The following ITGA1 variants were observed in gnomAD, a reference collection of about 807,000 sequenced individuals.
ITGA1 encodes integrin alpha-1.
Under a neutral mutation model 145.9 loss-of-function variants are expected in ITGA1, and 85 were observed. That is an observed-to-expected ratio of 0.58 (90% CI 0.49 to 0.70). The LOEUF is 0.70. Among genes scored for constraint, ITGA1 ranks in the 30% least tolerant of loss-of-function variants. The probability of loss-of-function intolerance (pLI) is 0.00; values close to 1 mark genes in which losing one functional copy is unlikely to be tolerated. For missense variants in ITGA1, 1,351 were observed against 1,418.7 expected, an observed-to-expected ratio of 0.95 and a Z score of 0.77; for synonymous variants, 520 against 495.3, an observed-to-expected ratio of 1.05 and a Z score of -0.66.
At chr5:52,917,770 G>A (rs1373481020) in intron 15 of ITGA1, among the ~76,000 whole-genome samples, 2 of 152,284 alleles carry the variant, frequency 1.3e-5, no homozygotes, top group African/African-American at 4.8e-5. Flanking sequence ...AAATGTTAAT[G>A]ATGATTATTG....
In ITGA1 at chr5:52,896,048, A is replaced by G. The variant is rs1263045777; in HGVS notation, c.1091-1407A>G. Among the ~76,000 whole-genome samples, 4 of 152,306 alleles carry G rather than the reference A, an allele frequency of 2.6e-5. No homozygotes were observed. The East Asian group carries it at 5.8e-4, about 22-fold the overall frequency. On this transcript the variant is annotated intron_variant, in intron 9 of 28. Coordinates refer to ENST00000282588, the MANE Select transcript of ITGA1 (RefSeq NM_181501.2). The stretch of plus-strand genomic sequence containing the variant: ...TGCTTAGTACATCAGAAAATAGTCT[A>G]CTGTCTCCATTTCCCGTTGAGCACT...
At chr5:52,836,663 G>A (rs1749167123) in intron 1 of ITGA1, among the ~76,000 whole-genome samples, 1 of 151,810 alleles carries the variant, frequency 6.6e-6, no homozygotes, top group African/African-American at 2.4e-5. Context: ...TGCTGCTCCT[G>A]GCCCATTCCT....
chr5:52,934,667 C>G (rs1194618838), intron 23 of ITGA1, among the ~76,000 whole-genome samples: 1 of 151,714 alleles, frequency 6.6e-6, no homozygotes, highest in Non-Finnish European at 1.5e-5. Flanking sequence ...GACACAGACT[C>G]AAGTTAAAAT....
At chr5:52,867,756 C>T (rs1368366680) in intron 6 of ITGA1, among the ~76,000 whole-genome samples, 4 of 151,974 alleles carry the variant, frequency 2.6e-5, no homozygotes, top group East Asian at 3.9e-4. Context: ...GAAGGAGACA[C>T]GAGAGGCTAA....
At chr5:52,935,064 C>G (rs1191102661) in intron 23 of ITGA1, among the ~76,000 whole-genome samples, 1 of 151,860 alleles carries the variant, frequency 6.6e-6, no homozygotes, top group Non-Finnish European at 1.5e-5. Flanking sequence ...TGTTGCAGAA[C>G]TTTATATATT....
At chr5:52,924,771 G>A (rs1381870470) in intron 18 of ITGA1, among the ~76,000 whole-genome samples, 4 of 152,138 alleles carry the variant, frequency 2.6e-5, no homozygotes, top group Non-Finnish European at 5.9e-5. Context: ...ATATTTAGAA[G>A]AGGAGTAGAA....
chr5:52,931,211 A>G (rs1156849195), intron 21 of ITGA1: 1 of 152,176 alleles, frequency 6.6e-6, no homozygotes, highest in Non-Finnish European at 1.5e-5. Context: ...AATATTTCCT[A>G]TGTCCTAGGC....
chr5:52,882,078 T>C (rs1422112218), intron 7 of ITGA1, 57 bp downstream of exon 7: 11 of 1,408,858 alleles, frequency 7.8e-6, no homozygotes, highest in Non-Finnish European at 1.0e-5. Flanking sequence ...CTGCTCATGA[T>C]TTAGCCTTTT....
chr5:52,894,030 T>C (rs1750189957), intron 9 of ITGA1, among the ~76,000 whole-genome samples, 190 bp downstream of exon 9: 1 of 152,036 alleles, frequency 6.6e-6, no homozygotes. Flanking sequence ...CAACACTGTG[T>C]CTGCTAGAGA....
In ITGA1 at chr5:52,834,669, G is replaced by T. The variant is rs551578973; in HGVS notation, c.62-14696G>T. On this transcript the variant is annotated intron_variant, in intron 1 of 28. Coordinates refer to ENST00000282588, the MANE Select transcript of ITGA1 (RefSeq NM_181501.2). Reference sequence around the variant, plus strand: ...AGAAAGAAAAAGAAAGAGAAAGAAAGAAAGAAAGAGAAAGAAAGAAGGGGA... The same window carrying T: ...AGAAAGAAAAAGAAAGAGAAAGAAATAAAGAAAGAGAAAGAAAGAAGGGGA... Among the ~76,000 whole-genome samples, 66 of 151,080 alleles carry T rather than the reference G, an allele frequency of 4.4e-4. 1 individual carries two copies. Among genetic ancestry groups the T allele is most frequent in the African/African-American group, 1.5e-3 (62 of 41,150 alleles).
chr5:52,800,973 C>T, intron 1 of ITGA1: 3 of 1,614,212 alleles, frequency 1.9e-6, no homozygotes, highest in African/African-American at 1.3e-5. Context: ...TCCAGGCTAT[C>T]CAGCGCCACA....
At position 52,958,324 on chromosome 5, in the gene ITGA1, AC is replaced by A. The variant is rs1176790883; in HGVS notation, c.*5877del. The A allele has an allele frequency of 1.3e-5, 2 of 152,164 alleles. No homozygotes were observed. Among genetic ancestry groups the A allele is most frequent in the Non-Finnish European group, 2.9e-5 (2 of 68,026 alleles). The allele number at this position is 152,164 out of a possible 1,614,324, so 9.4% of individuals were successfully genotyped here. A position where few individuals can be genotyped will look rare whatever the true frequency, so the allele number is the denominator to read the frequency against. ...CTCAAAATACTTTAAGCTCACTCAGACCCCATATACCCTGCCCACAATACTA... is the reference window on the plus strand; with the variant it reads ...CTCAAAATACTTTAAGCTCACTCAGACCCATATACCCTGCCCACAATACTA... On this transcript the variant is annotated 3_prime_UTR_variant, in exon 29 of 29. Transcript: ENST00000282588.
intron 1 of ITGA1, chr5:52,800,699 T>G: frequency 3.1e-6 from 5 of 1,614,146 alleles, no homozygotes; most frequent in Non-Finnish European, 4.2e-6. Context: ...TACCACACCA[T>G]CGAGCTGGAG....
chr5:52,855,055 A>G lies in ITGA1; in HGVS notation c.182+5570A>G, dbSNP rs926747407. On this transcript the variant is annotated intron_variant, in intron 2 of 28. Coordinates refer to ENST00000282588, the MANE Select transcript of ITGA1 (RefSeq NM_181501.2). Reference sequence around the variant, plus strand: ...AATAATGATTCTCACAGTTTATAAAACAATGTGCCTGGGCCTTCACCTTGA... The same window carrying G: ...AATAATGATTCTCACAGTTTATAAAGCAATGTGCCTGGGCCTTCACCTTGA... Among the ~76,000 whole-genome samples, 18 of 152,348 alleles carry G rather than the reference A, an allele frequency of 1.2e-4. 1 individual carries two copies. The highest frequency in any genetic ancestry group is 4.3e-4 in the African/African-American group (18 of 41,576).
chr5:52,831,379 C>T (rs1749067813), intron 1 of ITGA1, among the ~76,000 whole-genome samples: 1 of 151,964 alleles, frequency 6.6e-6, no homozygotes, highest in African/African-American at 2.4e-5. Context: ...AGTGATCTGC[C>T]CACCTCAGCC....
rs1750926571 is a variant in ITGA1 at position 52,933,849 on chromosome 5, T to G, written c.2862-45T>G. On this transcript the variant is annotated intron_variant, in intron 22 of 28. Coordinates refer to ENST00000282588, the MANE Select transcript of ITGA1 (RefSeq NM_181501.2). Reference sequence around the variant, plus strand: ...AGAAAATAATGAGGCCAAATAAAAGTTAAACTTTGTTATGTTTTATTTTTC... The same window carrying G: ...AGAAAATAATGAGGCCAAATAAAAGGTAAACTTTGTTATGTTTTATTTTTC... The G allele has an allele frequency of 5.0e-6, 5 of 990,754 alleles. No homozygotes were observed. In the East Asian group the frequency reaches 1.1e-4, roughly 22 times the overall value. 61.4% of individuals were successfully genotyped at this position (990,754 alleles called of 1,614,324 possible).
At chr5:52,914,454 G>A (rs2111862397) in intron 14 of ITGA1, among the ~76,000 whole-genome samples, 1 of 152,210 alleles carries the variant, frequency 6.6e-6, no homozygotes, top group East Asian at 1.9e-4. Context: ...CTGGCCAATG[G>A]TGAAACCCCG....
chr5:52,927,394 AC>A (rs1346053496), intron 19 of ITGA1, among the ~76,000 whole-genome samples, 189 bp from the exon 20 acceptor site: 1 of 152,226 alleles, frequency 6.6e-6, no homozygotes, highest in Non-Finnish European at 1.5e-5. Flanking sequence ...TCAGGCACCC[AC>A]AAGTGATGTT....
intron 23 of ITGA1, among the ~76,000 whole-genome samples, chr5:52,935,662 A>G (rs1376993998): frequency 1.3e-5 from 2 of 152,202 alleles, no homozygotes; most frequent in Admixed American, 6.5e-5. Context: ...CATGTGGCAC[A>G]TAGTCAACAA....
Sources: allele counts gnomAD v4.1 joint callset (sites outside exome capture counted in the v4.1 genomes callset), GRCh38; gene constraint gnomAD v4.1.1; transcripts MANE v1.5; gene names NCBI Gene and HGNC (gene_info 2026-07-23, HGNC 2026-07-21).